The following RAD52 variants were observed in gnomAD, a reference collection of about 807,000 sequenced individuals.
RAD52 encodes the protein DNA repair protein RAD52 homolog.
In RAD52, 47 loss-of-function variants were observed where a neutral mutation model predicts 55.5. The observed-to-expected ratio is 0.85, with a 90% CI of 0.67 to 1.08. The LOEUF is 1.08. Ranked by LOEUF, RAD52 falls within the 50% of genes least tolerant of loss-of-function variation. RAD52 has a pLI of 0.00. For synonymous variants in RAD52, 184 were observed against 198.9 expected, an observed-to-expected ratio of 0.92 and a Z score of 0.63; for missense variants, 468 against 522.8, an observed-to-expected ratio of 0.90 and a Z score of 1.02.
intron 1 of RAD52, among the ~76,000 whole-genome samples, chr12:968,856 CAT>C (rs1163343022): frequency 6.6e-6 from 1 of 151,930 alleles, no homozygotes; most frequent in Non-Finnish European, 1.5e-5. Flanking sequence ...ATGCTTCACA[CAT>C]AGTAGAAATT....
chr12:924,780 G>A (rs2154112364), intron 7 of RAD52, among the ~76,000 whole-genome samples: 1 of 152,240 alleles, frequency 6.6e-6, no homozygotes, highest in Non-Finnish European at 1.5e-5. Context: ...CCAGAACTAA[G>A]GAAAAGAAAG....
chr12:925,401 C>A (rs774712903), intron 7 of RAD52, 49 bp downstream of exon 7: 5 of 1,489,078 alleles, frequency 3.4e-6, no homozygotes, highest in Admixed American at 1.7e-5. Flanking sequence ...CCATGACACA[C>A]AAGAGTTTGC....
rs985107145 is a variant in RAD52, at chr12:919,159, G to A, written c.544-2339C>T. The stretch of plus-strand genomic sequence containing the variant: ...CTCTATCTGGGAGGTGAACAGCTGT[G>A]CTCACTTAGGAAATGGTGGCTCATG... On this transcript the variant is annotated intron_variant, in intron 7 of 11. Coordinates refer to ENST00000358495, the MANE Select transcript of RAD52 (RefSeq NM_134424.4). Among the ~76,000 whole-genome samples the A allele has an allele frequency of 4.6e-5, 7 of 152,268 alleles. No homozygotes were observed. In the South Asian group the frequency reaches 1.4e-3, roughly 32 times the overall value.
intron 7 of RAD52, among the ~76,000 whole-genome samples, chr12:919,309 G>A (rs943208357): frequency 2.0e-5 from 3 of 152,160 alleles, no homozygotes; most frequent in African/African-American, 7.2e-5. Flanking sequence ...AGCCGGGCAT[G>A]GTGGCGGGCG....
At position 935,995 on chromosome 12, in the gene RAD52, A is replaced by C. The variant is rs923893456; in HGVS notation, c.-18-2919T>G. 2.0e-5 allele frequency among the ~76,000 whole-genome samples: 3 copies of C among 151,234 alleles called. No individual in the cohort carries two copies. In the South Asian group the frequency reaches 6.4e-4, roughly 32 times the overall value. ...CAGGTGTGAGCCACCATGCCAGAAC[A>C]CTTCTCACATTTAAAGAGCAACTTG... On this transcript the variant is annotated intron_variant, in intron 1 of 11. Coordinates refer to ENST00000358495, the MANE Select transcript of RAD52 (RefSeq NM_134424.4).
At chr12:981,256 C>T (rs1959011261) in intron 1 of RAD52, among the ~76,000 whole-genome samples, 1 of 151,982 alleles carries the variant, frequency 6.6e-6, no homozygotes, top group African/African-American at 2.4e-5. Context: ...TCACTTGAGC[C>T]AGGGAGGCGG....
intron 6 of RAD52, among the ~76,000 whole-genome samples, chr12:926,143 T>C (rs943247301): frequency 1.3e-5 from 2 of 152,066 alleles, no homozygotes; most frequent in South Asian, 2.1e-4. Context: ...AACAGCTTAG[T>C]GCCATCCCCT....
In RAD52 at chr12:948,402, T is replaced by C. The variant is rs192983996; in HGVS notation, c.-19+1200A>G. Among the ~76,000 whole-genome samples the C allele has an allele frequency of 3.3e-5, 5 of 152,312 alleles. No homozygotes were observed. In the East Asian group the frequency reaches 9.6e-4, roughly 29 times the overall value. On this transcript the variant is annotated intron_variant, in intron 1 of 11. Coordinates refer to ENST00000358495, the MANE Select transcript of RAD52 (RefSeq NM_134424.4). Reference sequence around the variant, plus strand: ...ATTAAAACCACTGAATTGCACACTTTAAAAGGGTGAATTTAGACTGGGTGT... The same window carrying C: ...ATTAAAACCACTGAATTGCACACTTCAAAAGGGTGAATTTAGACTGGGTGT...
intron 1 of RAD52, among the ~76,000 whole-genome samples, chr12:973,782 C>CTTTTTTTTT (rs750425355): frequency 4.1e-4 from 47 of 113,482 alleles, no homozygotes; most frequent in African/African-American, 1.5e-3. Flanking sequence ...CCCAGTCCTT[C>CTTTTTTTTT]TTTTTTTTTT....
At chr12:927,098 A>C in intron 6 of RAD52, 47 bp downstream of exon 6, 1 of 1,576,374 alleles carries the variant, frequency 6.3e-7, no homozygotes, top group Non-Finnish European at 8.7e-7. Flanking sequence ...TCTGCTCTGA[A>C]GCAAGAGCTG....
chr12:976,582 G>C (rs537224983), intron 1 of RAD52: 1 of 152,366 alleles, frequency 6.6e-6, no homozygotes, highest in East Asian at 1.9e-4. Context: ...TCCCTGCCAA[G>C]GTGCCAGATA....
At chr12:938,513 G>A (rs1006835227) in intron 1 of RAD52, among the ~76,000 whole-genome samples, 3 of 152,132 alleles carry the variant, frequency 2.0e-5, no homozygotes, top group Admixed American at 6.5e-5. Context: ...TACAATTCCC[G>A]TCTCTACTAA....
chr12:940,397 G>A (rs1309759271), intron 1 of RAD52, among the ~76,000 whole-genome samples: 3 of 152,080 alleles, frequency 2.0e-5, no homozygotes, highest in African/African-American at 4.8e-5. Flanking sequence ...AAGAGATGGA[G>A]AACAGCCTTG....
chr12:982,930 A>G (rs964165865), intron 1 of RAD52, among the ~76,000 whole-genome samples: 46 of 151,808 alleles, frequency 3.0e-4, no homozygotes, highest in African/African-American at 9.9e-4. Context: ...GCTCACTGCA[A>G]CCTCCACCTC....
intron 1 of RAD52, among the ~76,000 whole-genome samples, chr12:944,027 C>A (rs1385411192): frequency 3.3e-5 from 5 of 151,792 alleles, no homozygotes; most frequent in Admixed American, 2.6e-4. Flanking sequence ...ACCAGCCTGG[C>A]CAACATCATG....
At chr12:948,357 T>C (rs78184919) in intron 1 of RAD52, among the ~76,000 whole-genome samples, 288 of 152,312 alleles carry the variant, frequency 1.9e-3, no homozygotes, top group Non-Finnish European at 3.2e-3. Flanking sequence ...ATAGTGGTGA[T>C]TGCACAACCT....
At chr12:943,792 GTTTT>G (rs760261022) in intron 1 of RAD52, among the ~76,000 whole-genome samples, 2 of 97,170 alleles carry the variant, frequency 2.1e-5, no homozygotes, top group Admixed American at 1.3e-4. Flanking sequence ...TTTTTTTTGG[GTTTT>G]TTTTGCTTTT....
In RAD52 at chr12:912,722, C is replaced by CAAAAAAAAA. The variant is rs60090525; in HGVS notation, c.*660_*668dup. 413 of 73,126 alleles carry CAAAAAAAAA rather than the reference C, an allele frequency of 5.6e-3. 4 individuals carry two copies. Among genetic ancestry groups the CAAAAAAAAA allele is most frequent in the East Asian group, 0.016 (42 of 2,592 alleles). The allele number at this position is 73,126 out of a possible 1,614,324, so 4.5% of individuals were successfully genotyped here. On this transcript the variant is annotated 3_prime_UTR_variant, in exon 12 of 12. Coordinates refer to ENST00000358495, the MANE Select transcript of RAD52 (RefSeq NM_134424.4). ...AGGGCAACACAGCCAGACCCCGTCT[C>CAAAAAAAAA]AAAAAAAAAAAAAAAAAAAAAAACA... is the stretch of plus-strand genomic sequence containing the variant.
rs1198442026 is a variant in RAD52, at chr12:914,592, G to C, written c.866-60C>G. 4.4e-6 allele frequency: 7 copies of C among 1,599,896 alleles called. No individual in the cohort carries two copies. The East Asian group carries it at 1.1e-4, about 26-fold the overall frequency. ...CATCACATCACTGCATGGGATTTCA[G>C]AGCGTGGGTCCACTCCCCTCTTGTT... is the stretch of plus-strand genomic sequence containing the variant. On this transcript the variant is annotated intron_variant, in intron 9 of 11. Coordinates refer to ENST00000358495, the MANE Select transcript of RAD52 (RefSeq NM_134424.4).
Sources: gnomAD v4.1 joint callset for allele counts (sites outside exome capture counted in the v4.1 genomes callset) on GRCh38, gnomAD v4.1.1 for gene constraint, MANE v1.5 for transcripts, NCBI Gene and HGNC (gene_info 2026-07-23, HGNC 2026-07-21) for gene names.